ZNF492: variants seen among roughly 807,000 people sequenced by gnomAD.
The protein encoded by ZNF492 is zinc finger protein 492.
A neutral mutation model predicts 6.4 loss-of-function variants in ZNF492; 3 were observed. That is an observed-to-expected ratio of 0.47 (90% CI 0.21 to 1.22). ZNF492 has a LOEUF of 1.22. ZNF492 is among the 50% of genes most tolerant of loss of function. The pLI, the probability that ZNF492 is intolerant of heterozygous loss-of-function variation, is 0.22. For synonymous variants in ZNF492, 112 were observed against 205.3 expected, an observed-to-expected ratio of 0.55 and a Z score of 3.89; for missense variants, 356 against 612.5, an observed-to-expected ratio of 0.58 and a Z score of 4.42.
intron 3 of ZNF492, among the ~76,000 whole-genome samples, chr19:22,661,958 G>A (rs967950914): frequency 6.6e-6 from 1 of 152,076 alleles, no homozygotes; most frequent in Non-Finnish European, 1.5e-5. Flanking sequence ...TCTTTCTGCT[G>A]CTGTAAAACT....
At chr19:22,645,835 G>A (rs1274013339) in intron 1 of ZNF492, among the ~76,000 whole-genome samples, 3 of 152,086 alleles carry the variant, frequency 2.0e-5, no homozygotes, top group Non-Finnish European at 2.9e-5. Context: ...GGTTGTAGAC[G>A]TGTGGTGTTA....
intron 1 of ZNF492, among the ~76,000 whole-genome samples, chr19:22,643,325 G>T (rs1468302778): frequency 6.6e-6 from 1 of 152,122 alleles, no homozygotes; most frequent in Non-Finnish European, 1.5e-5. Flanking sequence ...GTCGGATATT[G>T]CTGCTTTCTG....
chr19:22,644,678 G>C (rs191298387), intron 1 of ZNF492, among the ~76,000 whole-genome samples: 4 of 152,108 alleles, frequency 2.6e-5, no homozygotes, highest in African/African-American at 9.7e-5. Flanking sequence ...AAATAGTGCT[G>C]CAGTAAACAT....
At chr19:22,638,471 A>C (rs1333125201) in intron 1 of ZNF492, among the ~76,000 whole-genome samples, 1 of 152,052 alleles carries the variant, frequency 6.6e-6, no homozygotes, top group Admixed American at 6.6e-5. Flanking sequence ...TTAAATAGGG[A>C]TTTCTTTCCA....
chr19:22,641,934 C>T (rs1165190642), intron 1 of ZNF492, among the ~76,000 whole-genome samples: 3 of 151,982 alleles, frequency 2.0e-5, no homozygotes, highest in African/African-American at 7.2e-5. Context: ...GCTAGGACTA[C>T]AGGCGCCTGC....
At chr19:22,655,073 A>G (rs1403729861) in intron 3 of ZNF492, among the ~76,000 whole-genome samples, 1 of 151,210 alleles carries the variant, frequency 6.6e-6, no homozygotes, top group Non-Finnish European at 1.5e-5. Flanking sequence ...CAGGCGGATC[A>G]CCTGAGGTCA....
At chr19:22,634,554 A>G (rs901715103) in intron 1 of ZNF492, 80 bp downstream of exon 1, 1 of 1,261,784 alleles carries the variant, frequency 7.9e-7, no homozygotes, top group Non-Finnish European at 1.1e-6. Flanking sequence ...GGCGGGACTC[A>G]GGCCTCCCCG....
chr19:22,660,517 AT>A (rs1173392813), intron 3 of ZNF492, among the ~76,000 whole-genome samples: 2 of 150,974 alleles, frequency 1.3e-5, no homozygotes, highest in Admixed American at 6.6e-5. Flanking sequence ...GAATAAAAAA[AT>A]CTTCCTCATT....
At position 22,641,379 on chromosome 19, in the gene ZNF492, G is replaced by T. The variant is rs138634212; in HGVS notation, c.-94+6905G>T. 4.1e-3 allele frequency among the ~76,000 whole-genome samples: 619 copies of T among 152,224 alleles called. 3 individuals are homozygous for T. Among genetic ancestry groups the T allele is most frequent in the African/African-American group, 0.014 (575 of 41,542 alleles). ...TTACCCAAAAGTAATTCAAGTGCAG[G>T]TTGTTTAATTTGCATGTACTTGTAT... On this transcript the variant is annotated intron_variant, in intron 1 of 3. Transcript: ENST00000456783.
intron 1 of ZNF492, among the ~76,000 whole-genome samples, chr19:22,639,580 C>T (rs1413751523): frequency 2.0e-5 from 3 of 151,692 alleles, no homozygotes; most frequent in Non-Finnish European, 2.9e-5. Context: ...CGTGGTGGCG[C>T]ATACCTTTAA....
chr19:22,660,973 A>G (rs539129357), intron 3 of ZNF492, among the ~76,000 whole-genome samples: 3 of 150,620 alleles, frequency 2.0e-5, no homozygotes, highest in Non-Finnish European at 4.4e-5. Context: ...GATCTGCAGA[A>G]TTTTTGTTGA....
At position 22,658,583 on chromosome 19, in the gene ZNF492, A is replaced by G. The variant is rs1320755848; in HGVS notation, c.130+4568A>G. ...AGAGTATAACTGCTTTATATATCTC[A>G]TAAAATCTGTTTGTGGCTGGCTCAT... On this transcript the variant is annotated intron_variant, in intron 3 of 3. Transcript: ENST00000456783. Among the ~76,000 whole-genome samples, 2 of 141,656 alleles carry G rather than the reference A, an allele frequency of 1.4e-5. 1 individual carries two copies. The highest frequency in any genetic ancestry group is 5.8e-5 in the African/African-American group (2 of 34,298). The allele number at this position is 141,656 out of a possible 152,430, so 92.9% of individuals were successfully genotyped here.
intron 1 of ZNF492, among the ~76,000 whole-genome samples, chr19:22,644,890 A>G (rs910964490): frequency 2.0e-5 from 3 of 151,994 alleles, no homozygotes; most frequent in South Asian, 2.1e-4. Context: ...ACCAGCATCT[A>G]TTGTTTCTGA....
At chr19:22,654,201 T>C (rs1289651994) in intron 3 of ZNF492, among the ~76,000 whole-genome samples, 186 bp downstream of exon 3, 2 of 152,280 alleles carry the variant, frequency 1.3e-5, no homozygotes, top group African/African-American at 4.8e-5. Context: ...TTTTAAAATC[T>C]CTGAAGATTT....
rs1200217385 is a variant in ZNF492, at chr19:22,663,921, C to T, written c.252C>T (p.Tyr84=). 1 of 1,604,198 alleles carries T rather than the reference C, an allele frequency of 6.2e-7. No homozygotes were observed. Among genetic ancestry groups the T allele is most frequent in the Admixed American group, 1.7e-5 (1 of 58,050 alleles). The change falls in exon 4 of 4, where the codon TAC becomes TAT. Residue 84 remains tyrosine (Y), a synonymous_variant. Transcript: ENST00000456783. ...CGCENLQLRK[Y]CKSMDECKVH... Reference sequence around the variant, plus strand: ...GTGAAAATTTACAGTTAAGAAAATACTGTAAAAGCATGGATGAGTGTAAGG... The same window carrying T: ...GTGAAAATTTACAGTTAAGAAAATATTGTAAAAGCATGGATGAGTGTAAGG...
intron 1 of ZNF492, among the ~76,000 whole-genome samples, chr19:22,635,670 T>G (rs1971753705): frequency 6.6e-6 from 1 of 152,240 alleles, no homozygotes; most frequent in Admixed American, 6.5e-5. Flanking sequence ...ATGGGGTGAT[T>G]TGTGCTTAGC....
At chr19:22,634,596 G>A (rs951647370) in intron 1 of ZNF492, 122 bp downstream of exon 1, 277 of 1,040,618 alleles carry the variant, frequency 2.7e-4, no homozygotes, top group Non-Finnish European at 3.3e-4. Flanking sequence ...CCCCAAGTTC[G>A]CCTTGCCCAG....
At chr19:22,636,261 A>T (rs2145239158) in intron 1 of ZNF492, among the ~76,000 whole-genome samples, 1 of 151,886 alleles carries the variant, frequency 6.6e-6, no homozygotes. Context: ...CACCACTTCC[A>T]GCTAATTTTG....
At chr19:22,652,238 T>G (rs1568354762) in intron 1 of ZNF492, among the ~76,000 whole-genome samples, 42 of 123,648 alleles carry the variant, frequency 3.4e-4, no homozygotes, top group Middle Eastern at 3.7e-3. Context: ...TTTTTTTTTT[T>G]GAGACGGAGT....
Sources: allele counts gnomAD v4.1 joint callset (sites outside exome capture counted in the v4.1 genomes callset), GRCh38; gene constraint gnomAD v4.1.1; transcripts MANE v1.5; gene names NCBI Gene and HGNC (gene_info 2026-07-23, HGNC 2026-07-21).